AEBP2: variants seen among roughly 807,000 people sequenced by gnomAD.
AEBP2 encodes the protein AE binding protein 2.
Under a neutral mutation model 50.8 loss-of-function variants are expected in AEBP2, and 10 were observed. The observed-to-expected ratio is 0.20, with a 90% CI of 0.12 to 0.33. The LOEUF (loss-of-function observed/expected upper bound fraction) is 0.33. AEBP2 is among the 10% of genes least tolerant of loss of function. AEBP2 has a pLI of 1.00. For missense variants in AEBP2, 570 were observed against 688.0 expected, an observed-to-expected ratio of 0.83 and a Z score of 1.92; for synonymous variants, 296 against 261.3, an observed-to-expected ratio of 1.13 and a Z score of -1.28.
intron 1 of AEBP2, chr12:19,440,757 A>G (rs1947942153): frequency 2.6e-6 from 4 of 1,533,536 alleles, no homozygotes; most frequent in East Asian, 2.4e-5. Context: ...GTTCGGGAAC[A>G]CTTGTCAGAA....
intron 1 of AEBP2, among the ~76,000 whole-genome samples, chr12:19,420,006 A>G: frequency 6.6e-6 from 1 of 151,568 alleles, no homozygotes; most frequent in African/African-American, 2.4e-5. Flanking sequence ...CAATAATTTC[A>G]AGTGTGCATT....
At chr12:19,424,004 G>A (rs2153364658) in intron 1 of AEBP2, among the ~76,000 whole-genome samples, 1 of 152,326 alleles carries the variant, frequency 6.6e-6, no homozygotes, top group South Asian at 2.1e-4. Context: ...CGGCAGCATG[G>A]AGGATGAATC....
chr12:19,439,909 C>CGGCGGAGGAGTGGGG lies in AEBP2; in HGVS notation c.216_230dup (p.Gly73_Gly77dup), dbSNP rs1411491433. 6.7e-7 allele frequency: 1 copy of CGGCGGAGGAGTGGGG among 1,485,966 alleles called. No homozygotes were observed. The highest frequency in any genetic ancestry group is 8.9e-7 in the Non-Finnish European group (1 of 1,126,886). 92.0% of individuals were successfully genotyped at this position (1,485,966 alleles called of 1,614,324 possible). ...GCAGCGGTGGGGGCGGCGGAGGCGG[C>CGGCGGAGGAGTGGGG]GGCGGAGGAGTGGGGGGCGGCGAGG... On this transcript the variant is annotated inframe_insertion, in exon 1 of 8. Transcript: ENST00000266508.
At position 19,518,392 on chromosome 12, in the gene AEBP2, G is replaced by A; in HGVS notation, c.*275G>A. On this transcript the variant is annotated 3_prime_UTR_variant, in exon 8 of 8. Transcript: ENST00000266508. ...GAGCAAACACTCTTTTGGCAACTTA[G>A]TAGAACAGCTTCTTAAAGGCTTTGC... The A allele has an allele frequency of 8.1e-7, 1 of 1,229,058 alleles. No individual in the cohort carries two copies. 76.1% of individuals were successfully genotyped at this position (1,229,058 alleles called of 1,614,324 possible).
chr12:19,458,298 G>C (rs1206939789), intron 1 of AEBP2, among the ~76,000 whole-genome samples: 1 of 152,220 alleles, frequency 6.6e-6, no homozygotes, highest in Non-Finnish European at 1.5e-5. Context: ...AGGGAGCCTA[G>C]AGGCTTAGGA....
chr12:19,445,940 A>G (rs1948055775), intron 1 of AEBP2: 1 of 152,214 alleles, frequency 6.6e-6, no homozygotes, highest in Non-Finnish European at 1.5e-5. Flanking sequence ...CATATTAAAA[A>G]CAATTAGAAA....
At chr12:19,421,749 T>G (rs750669251) in intron 1 of AEBP2, among the ~76,000 whole-genome samples, 1 of 152,212 alleles carries the variant, frequency 6.6e-6, no homozygotes, top group African/African-American at 2.4e-5. Flanking sequence ...TGTAGTTAGT[T>G]GTTTGATGGT....
Position 19,462,533 on chromosome 12 carries a change from T to G in AEBP2, c.695T>G (p.Val232Gly), listed in dbSNP as rs1948397871. 4 of 1,612,326 alleles carry G rather than the reference T, an allele frequency of 2.5e-6. No individual in the cohort carries two copies. The highest frequency in any genetic ancestry group is 3.4e-6 in the Non-Finnish European group (4 of 1,179,130). Residue 232 changes from valine (V) to glycine (G), a missense_variant, in exon 2 of 8, where the codon GTA (valine) becomes GGA (glycine). Around this residue, in one of 2 missense-constraint regions of AEBP2, gnomAD observed 184 missense variants for 351.2 expected, o/e 0.52. Coordinates refer to ENST00000266508, the MANE Select transcript of AEBP2 (RefSeq NM_153207.5). ...EDSISSTIMD[V>G]DSTISSGRST... ...AGCATAAGCAGTACTATAATGGATG[T>G]AGACAGCACAATTTCCAGTGGGCGT...
intron 3 of AEBP2, among the ~76,000 whole-genome samples, chr12:19,481,478 T>A (rs575985703): frequency 6.7e-6 from 1 of 148,920 alleles, no homozygotes; most frequent in African/African-American, 2.4e-5. Context: ...TTTCTTTTCT[T>A]TTTTTTTTTG....
At chr12:19,505,293 A>C (rs1263111427) in intron 5 of AEBP2, among the ~76,000 whole-genome samples, 1 of 152,236 alleles carries the variant, frequency 6.6e-6, no homozygotes. Flanking sequence ...AGAGTGTGGC[A>C]TCAGAGCTAG....
chr12:19,410,495 C>G (rs2095738699), intron 1 of AEBP2, among the ~76,000 whole-genome samples: 1 of 152,104 alleles, frequency 6.6e-6, no homozygotes, highest in Non-Finnish European at 1.5e-5. Flanking sequence ...GCGTCTGGCC[C>G]TTTATAGATG....
At chr12:19,473,165 A>G in intron 2 of AEBP2, 83 bp from the exon 3 acceptor site, 1 of 517,908 alleles carries the variant, frequency 1.9e-6, no homozygotes, top group African/African-American at 2.0e-5. Context: ...AAGAGTTGTA[A>G]CATGTTAATT....
chr12:19,419,068 G>A, intron 1 of AEBP2: 1 of 166,780 alleles, frequency 6.0e-6, no homozygotes, highest in Non-Finnish European at 1.4e-5. Context: ...TTTTCACTGG[G>A]GATGTCCTTC....
intron 5 of AEBP2, among the ~76,000 whole-genome samples, chr12:19,508,648 C>CT (rs1166202303): frequency 3.3e-5 from 5 of 152,058 alleles, no homozygotes; most frequent in Admixed American, 6.6e-5. Flanking sequence ...TTTTCTTATA[C>CT]TTTTTTGGGT....
intron 3 of AEBP2, among the ~76,000 whole-genome samples, chr12:19,487,843 A>G (rs948589938): frequency 8.5e-5 from 13 of 152,158 alleles, no homozygotes; most frequent in Non-Finnish European, 1.5e-5. Flanking sequence ...TTAAAAACAA[A>G]TATTTCTGAT....
At chr12:19,458,129 A>C (rs1948305518) in intron 1 of AEBP2, among the ~76,000 whole-genome samples, 1 of 152,228 alleles carries the variant, frequency 6.6e-6, no homozygotes, top group South Asian at 2.1e-4. Context: ...GAGGAAGGGC[A>C]CTGCTTTCTG....
chr12:19,434,989 CT>C (rs151237256), upstream of AEBP2, among the ~76,000 whole-genome samples: 3,546 of 151,758 alleles, frequency 0.023, 51 homozygotes, highest in East Asian at 0.043. Flanking sequence ...ACTTTTGACA[CT>C]TTTTTTTTCC....
intron 3 of AEBP2, among the ~76,000 whole-genome samples, chr12:19,488,495 G>T (rs1948848118): frequency 6.6e-6 from 1 of 151,900 alleles, no homozygotes; most frequent in Non-Finnish European, 1.5e-5. Context: ...AAGAATCCGG[G>T]GTTGTTAATT....
chr12:19,485,381 C>G (rs1948791516), intron 3 of AEBP2, among the ~76,000 whole-genome samples: 1 of 152,084 alleles, frequency 6.6e-6, no homozygotes, highest in East Asian at 1.9e-4. Context: ...GTACCTGGCA[C>G]TATGCTGGGC....
Sources: allele counts gnomAD v4.1 joint callset (sites outside exome capture counted in the v4.1 genomes callset), GRCh38; gene constraint gnomAD v4.1.1; regional missense constraint gnomAD v4.1.1; transcripts MANE v1.5; gene names NCBI Gene and HGNC (gene_info 2026-07-23, HGNC 2026-07-21).